Variants in SLC67A1 observed in about 807,000 individuals in gnomAD.
The protein encoded by SLC67A1 is solute carrier family 67 member A1.
the SLC67A1 span, chr11:2,918,854 C>T: frequency 1.8e-5 from 3 of 162,632 alleles, no homozygotes; most frequent in Non-Finnish European, 2.7e-5. Flanking sequence ...TGGGCCACCA[C>T]GCTCAGCTAA....
At chr11:2,907,694 G>T in the SLC67A1 span, among the ~76,000 whole-genome samples, 4 of 152,154 alleles carry the variant, frequency 2.6e-5, no homozygotes, top group Non-Finnish European at 4.4e-5. This position sits in a 1 kb window ranked among gnomAD's most constrained non-coding sequence, Gnocchi z 6.7. Context: ...AGGGGGAGGA[G>T]CGGCTGCAGG....
At chr11:2,922,044 C>A in the SLC67A1 span, 2 of 1,321,460 alleles carry the variant, frequency 1.5e-6, no homozygotes, top group Non-Finnish European at 1.1e-6. Context: ...GGCCACAGTC[C>A]AGACGCCCCT....
At chr11:2,916,487 G>A in the SLC67A1 span, 6 of 683,258 alleles carry the variant, frequency 8.8e-6, no homozygotes, top group Non-Finnish European at 1.5e-5. Flanking sequence ...CCACTCTTTA[G>A]GCCACAGACT....
At chr11:2,914,516 G>A in the SLC67A1 span, among the ~76,000 whole-genome samples, 7 of 152,234 alleles carry the variant, frequency 4.6e-5, no homozygotes, top group African/African-American at 1.7e-4. Context: ...GACAGCCTGC[G>A]TCTCCCCCAG....
the SLC67A1 span, among the ~76,000 whole-genome samples, chr11:2,924,755 A>T: frequency 4.6e-5 from 7 of 152,082 alleles, no homozygotes; most frequent in African/African-American, 1.7e-4. This position sits in a 1 kb window ranked among gnomAD's most constrained non-coding sequence, Gnocchi z 8.6. Flanking sequence ...CTCGGGGAAC[A>T]GACCAGTGGG....
the SLC67A1 span, chr11:2,917,053 G>GACA: frequency 6.0e-6 from 2 of 330,620 alleles, no homozygotes; most frequent in Non-Finnish European, 5.5e-6. Flanking sequence ...AGAGAGGCCT[G>GACA]GGGAGGACCA....
At chr11:2,915,043 C>T in the SLC67A1 span, 1 of 985,308 alleles carries the variant, frequency 1.0e-6, no homozygotes, top group Non-Finnish European at 1.2e-6. Flanking sequence ...GTGGGTGCTG[C>T]AGGAGTCGGA....
the SLC67A1 span, among the ~76,000 whole-genome samples, chr11:2,924,405 G>A: frequency 6.6e-6 from 1 of 152,262 alleles, no homozygotes; most frequent in East Asian, 1.9e-4. This position sits in a 1 kb window ranked among gnomAD's most constrained non-coding sequence, Gnocchi z 8.6. Context: ...AAGGGCTGAT[G>A]GCCAGGAGGG....
the SLC67A1 span, chr11:2,922,132 A>C: frequency 2.5e-6 from 4 of 1,613,130 alleles, no homozygotes; most frequent in Middle Eastern, 1.6e-4. Context: ...CGGGCAGCTG[A>C]GCAGCCACTT....
chr11:2,908,817 G>A, the SLC67A1 span, among the ~76,000 whole-genome samples: 4 of 152,204 alleles, frequency 2.6e-5, no homozygotes, highest in Non-Finnish European at 4.4e-5. Context: ...CGATCTCTGG[G>A]AGGGTTTCCA....
At chr11:2,909,525 G>GCA in the SLC67A1 span, 5 of 794,934 alleles carry the variant, frequency 6.3e-6, no homozygotes, top group African/African-American at 1.8e-5. Flanking sequence ...GTCAGGGGGG[G>GCA]AAGGGCCCCA....
chr11:2,925,088 G>A, the SLC67A1 span: 137 of 1,613,792 alleles, frequency 8.5e-5, no homozygotes, highest in Admixed American at 1.2e-4. This position sits in a 1 kb window ranked among gnomAD's most constrained non-coding sequence, Gnocchi z 6.5. Flanking sequence ...CTCCTGTACC[G>A]CAGCTTTGGC....
the SLC67A1 span, chr11:2,902,523 G>A: frequency 1.0e-6 from 1 of 962,486 alleles, no homozygotes; most frequent in Non-Finnish European, 1.2e-6. Flanking sequence ...GAGGGCGCCA[G>A]GCGCAGCTCC....
the SLC67A1 span, among the ~76,000 whole-genome samples, chr11:2,912,036 G>A: frequency 2.6e-5 from 4 of 152,294 alleles, no homozygotes; most frequent in East Asian, 1.9e-4. Context: ...AGGGGTAACC[G>A]AGGCCCAGGA....
chr11:2,906,477 C>T, the SLC67A1 span, among the ~76,000 whole-genome samples: 1 of 152,202 alleles, frequency 6.6e-6, no homozygotes, highest in Admixed American at 6.5e-5. Flanking sequence ...CCCAAATGTC[C>T]ATCAGTGATA....
the SLC67A1 span, chr11:2,922,548 C>T: frequency 7.4e-6 from 12 of 1,611,884 alleles, no homozygotes; most frequent in South Asian, 2.2e-5. Context: ...GTCTCCACCT[C>T]GGACACAGGT....
chr11:2,922,320 G>A, the SLC67A1 span: 46 of 1,517,356 alleles, frequency 3.0e-5, no homozygotes, highest in South Asian at 2.0e-4. Flanking sequence ...ACACCCACCC[G>A]GGGCCAGCTC....
chr11:2,909,105 C>T, the SLC67A1 span: 8 of 1,292,652 alleles, frequency 6.2e-6, no homozygotes, highest in Non-Finnish European at 8.2e-6. Flanking sequence ...ACTCCAGCCT[C>T]CCTGGTCAGC....
the SLC67A1 span, chr11:2,917,972 G>A: frequency 6.9e-6 from 11 of 1,603,004 alleles, no homozygotes; most frequent in Middle Eastern, 1.7e-4. Flanking sequence ...AGGCCTGAAT[G>A]GCCTCTCCGT....
Sources: allele counts gnomAD v4.1 joint callset (sites outside exome capture counted in the v4.1 genomes callset), GRCh38; gene constraint gnomAD v4.1.1; non-coding constraint Gnocchi (gnomAD v3.1); transcripts MANE v1.5; gene names NCBI Gene and HGNC (gene_info 2026-07-23, HGNC 2026-07-21).